The following PCDH9 variants were observed in gnomAD, a reference collection of about 807,000 sequenced individuals.
PCDH9 encodes the protein protocadherin-9.
A neutral mutation model predicts 70.6 loss-of-function variants in PCDH9; 24 were observed. The ratio of observed to expected loss-of-function variants is 0.34; its 90% CI spans 0.25 to 0.48. The LOEUF is 0.48. Ranked by LOEUF, PCDH9 falls within the 20% of genes least tolerant of loss-of-function variation. The probability of loss-of-function intolerance (pLI) is 0.99; values close to 1 mark genes in which losing one functional copy is unlikely to be tolerated. For synonymous variants in PCDH9, 562 were observed against 558.5 expected (o/e 1.01, Z -0.09); for missense variants, 1,281 against 1,503.6 (o/e 0.85, Z 2.45).
intron 3 of PCDH9, among the ~76,000 whole-genome samples, chr13:66,732,657 A>C (rs967940058): frequency 6.6e-6 from 1 of 152,020 alleles, no homozygotes; most frequent in African/African-American, 2.4e-5. Flanking sequence ...CTGCTTTTTT[A>C]AATTTCTGCT....
intron 3 of PCDH9, among the ~76,000 whole-genome samples, chr13:66,635,708 A>T (rs2077628262): frequency 6.6e-6 from 1 of 152,102 alleles, no homozygotes; most frequent in Non-Finnish European, 1.5e-5. Context: ...TCATTGCTTG[A>T]ATGGTTCTCT....
At chr13:67,173,536 A>G (rs2088357334) in intron 2 of PCDH9, among the ~76,000 whole-genome samples, 3 of 152,152 alleles carry the variant, frequency 2.0e-5, no homozygotes, top group African/African-American at 7.2e-5. Context: ...GTTTCACAAG[A>G]TGGAAAATTC....
At chr13:66,435,926 A>G (rs1286916141) in intron 4 of PCDH9, among the ~76,000 whole-genome samples, 1 of 152,106 alleles carries the variant, frequency 6.6e-6, no homozygotes, top group Non-Finnish European at 1.5e-5. Flanking sequence ...TCTGGATATC[A>G]GTGATTCTTC....
chr13:66,734,401 C>T (rs768597706), intron 3 of PCDH9, among the ~76,000 whole-genome samples: 12 of 152,108 alleles, frequency 7.9e-5, no homozygotes, highest in African/African-American at 1.7e-4. Context: ...TGTATCTTTT[C>T]CCTGTAATAA....
rs1958741160 is a variant in PCDH9, at chr13:66,476,899, AT to A, written c.3340+154310del. On this transcript the variant is annotated intron_variant, in intron 4 of 4. Transcript: ENST00000377865. ...CTCTGTAGAAACATTACTTCTTAAG[AT>A]GTAAAGATCCTTAGGCCATACTCAG... Among the ~76,000 whole-genome samples, 3 of 152,228 alleles carry A rather than the reference AT, an allele frequency of 2.0e-5. No individual in the cohort carries two copies. The South Asian group carries it at 6.2e-4, about 32-fold the overall frequency.
rs558635692 is a variant in PCDH9 at position 66,738,326 on chromosome 13, C to A, written c.3139-106915G>T. On this transcript the variant is annotated intron_variant, in intron 3 of 4. Coordinates refer to ENST00000377865, the MANE Select transcript of PCDH9 (RefSeq NM_203487.3). The stretch of plus-strand genomic sequence containing the variant: ...CTAACAAACAGAAAGGACATCCACA[C>A]CGAAAACCCATCTGTACATCACCAT... 6.3e-3 allele frequency among the ~76,000 whole-genome samples: 954 copies of A among 151,696 alleles called. 12 individuals carry two copies. The highest frequency in any genetic ancestry group is 8.1e-3 in the Non-Finnish European group (548 of 67,896).
At chr13:66,504,350 T>G (rs2138568151) in intron 4 of PCDH9, among the ~76,000 whole-genome samples, 1 of 152,326 alleles carries the variant, frequency 6.6e-6, no homozygotes, top group East Asian at 1.9e-4. Flanking sequence ...GATGACAATA[T>G]TTCTTTCAGT....
At chr13:66,774,453 AT>A (rs148765077) in intron 3 of PCDH9, among the ~76,000 whole-genome samples, 126 of 134,606 alleles carry the variant, frequency 9.4e-4, no homozygotes, top group African/African-American at 3.0e-3. Flanking sequence ...CATCTACTAG[AT>A]TTTTTTTTTA....
chr13:66,449,951 AT>A (rs1239198082), intron 4 of PCDH9, among the ~76,000 whole-genome samples: 1 of 152,192 alleles, frequency 6.6e-6, no homozygotes, highest in East Asian at 1.9e-4. Flanking sequence ...ATTATACTTC[AT>A]GAGTGTTACC....
At chr13:66,820,606 C>T (rs1286834724) in intron 3 of PCDH9, among the ~76,000 whole-genome samples, 1 of 152,004 alleles carries the variant, frequency 6.6e-6, no homozygotes, top group Admixed American at 6.6e-5. Flanking sequence ...CCTAAATGCC[C>T]ATCAATGATA....
Position 66,857,597 on chromosome 13 carries a change from C to T in PCDH9, c.3138+45907G>A, listed in dbSNP as rs574063105. The stretch of plus-strand genomic sequence containing the variant: ...TTTATTCATATTGACCTATTGATAC[C>T]CTAATATAAAGTACATATTTTTCAT... On this transcript the variant is annotated intron_variant, in intron 3 of 4. Transcript: ENST00000377865. Among the ~76,000 whole-genome samples, 26 of 152,014 alleles carry T rather than the reference C, an allele frequency of 1.7e-4. 1 individual carries two copies. The South Asian group carries it at 5.4e-3, about 32-fold the overall frequency.
chr13:66,390,723 G>A (rs1957003303), intron 4 of PCDH9, among the ~76,000 whole-genome samples: 1 of 137,060 alleles, frequency 7.3e-6, no homozygotes, highest in African/African-American at 2.5e-5. Context: ...TGACAGAGAT[G>A]GAGTCATCTC....
chr13:66,382,881 A>C (rs761713745), intron 4 of PCDH9, among the ~76,000 whole-genome samples: 1 of 152,108 alleles, frequency 6.6e-6, no homozygotes, highest in South Asian at 2.1e-4. Context: ...AAATACAAAA[A>C]ATCAGCCAGG....
chr13:66,894,046 A>T (rs2082137215), intron 3 of PCDH9, among the ~76,000 whole-genome samples: 1 of 152,150 alleles, frequency 6.6e-6, no homozygotes, highest in Admixed American at 6.6e-5. Flanking sequence ...TTCAAACTCG[A>T]TGTCTGACCT....
At chr13:67,120,959 T>C (rs771217740) in intron 2 of PCDH9, among the ~76,000 whole-genome samples, 3 of 152,006 alleles carry the variant, frequency 2.0e-5, no homozygotes, top group Non-Finnish European at 2.9e-5. Context: ...CATTATTCTA[T>C]TGAGAAGAAG....
intron 2 of PCDH9, among the ~76,000 whole-genome samples, chr13:66,931,436 C>CA (rs1206028683): frequency 6.6e-6 from 1 of 151,798 alleles, no homozygotes; most frequent in Non-Finnish European, 1.5e-5. Context: ...GAGGAGTCTC[C>CA]AAAAAAATAA....
At chr13:66,317,475 G>T (rs1481225914) in intron 4 of PCDH9, among the ~76,000 whole-genome samples, 1 of 152,148 alleles carries the variant, frequency 6.6e-6, no homozygotes, top group Non-Finnish European at 1.5e-5. Context: ...TAAAGGGACT[G>T]GGAATTCCCC....
intron 4 of PCDH9, among the ~76,000 whole-genome samples, chr13:66,336,803 T>A (rs1005672298): frequency 2.0e-5 from 3 of 152,050 alleles, no homozygotes; most frequent in Non-Finnish European, 2.9e-5. Flanking sequence ...GGTTGTTTTA[T>A]CAACCTCAGC....
intron 3 of PCDH9, among the ~76,000 whole-genome samples, chr13:66,700,438 T>G (rs1298481548): frequency 6.6e-6 from 1 of 152,172 alleles, no homozygotes; most frequent in Non-Finnish European, 1.5e-5. Flanking sequence ...AACATGGGAT[T>G]CTAAGCCTTT....
Sources: gnomAD v4.1 joint callset for allele counts (sites outside exome capture counted in the v4.1 genomes callset) on GRCh38, gnomAD v4.1.1 for gene constraint, MANE v1.5 for transcripts, NCBI Gene and HGNC (gene_info 2026-07-23, HGNC 2026-07-21) for gene names.